The following EXOC4 variants were observed in gnomAD, a reference collection of about 807,000 sequenced individuals.
EXOC4 encodes the protein exocyst complex component 4, also known as SEC8-like 1.
In EXOC4, 71 loss-of-function variants were observed where a neutral mutation model predicts 107.2. That is an observed-to-expected ratio of 0.66 (90% CI 0.55 to 0.81). The LOEUF is 0.81. Among genes scored for constraint, EXOC4 ranks in the 30% least tolerant of loss-of-function variants. EXOC4 has a pLI of 0.00. For missense variants in EXOC4, 1,108 were observed against 1,189.6 expected (o/e 0.93, Z 1.01); for synonymous variants, 456 against 441.2 (o/e 1.03, Z -0.42).
intron 9 of EXOC4, among the ~76,000 whole-genome samples, chr7:133,626,662 G>A (rs1197323103): frequency 6.6e-6 from 1 of 152,154 alleles, no homozygotes; most frequent in Non-Finnish European, 1.5e-5. Context: ...GTAGCTAGCA[G>A]GGGTTTAGAA....
chr7:133,711,457 A>C (rs1243623275), intron 10 of EXOC4, among the ~76,000 whole-genome samples: 1 of 152,202 alleles, frequency 6.6e-6, no homozygotes, highest in Non-Finnish European at 1.5e-5. Flanking sequence ...TGAGTGTCTC[A>C]TAAAAGTACA....
chr7:133,457,011 C>A (rs143700661), intron 7 of EXOC4, among the ~76,000 whole-genome samples: 106 of 152,300 alleles, frequency 7.0e-4, no homozygotes, highest in Non-Finnish European at 1.2e-3. Flanking sequence ...CTATCTTAAT[C>A]ATCTTTTCGT....
chr7:133,669,984 T>C (rs1013617071), intron 10 of EXOC4, among the ~76,000 whole-genome samples: 1 of 152,226 alleles, frequency 6.6e-6, no homozygotes, highest in African/African-American at 2.4e-5. Context: ...CTTTTCAAAA[T>C]TGAAGTTTTT....
intron 10 of EXOC4, among the ~76,000 whole-genome samples, chr7:133,812,027 G>T (rs746373127): frequency 6.6e-6 from 1 of 152,096 alleles, no homozygotes; most frequent in Non-Finnish European, 1.5e-5. Flanking sequence ...GCCTGGCCAC[G>T]TGGGGTTTTT....
chr7:133,331,626 C>G (rs773917071), intron 5 of EXOC4, among the ~76,000 whole-genome samples: 1 of 151,898 alleles, frequency 6.6e-6, no homozygotes, highest in Non-Finnish European at 1.5e-5. Context: ...CCACCTCGCC[C>G]GGCTAATTTT....
At chr7:133,772,647 A>T (rs993764257) in intron 10 of EXOC4, among the ~76,000 whole-genome samples, 2 of 152,116 alleles carry the variant, frequency 1.3e-5, no homozygotes, top group Admixed American at 6.6e-5. Context: ...TTTCTTAAAA[A>T]CTAAGCCATG....
intron 10 of EXOC4, among the ~76,000 whole-genome samples, chr7:133,698,542 A>G (rs1233322893): frequency 6.7e-6 from 1 of 148,740 alleles, no homozygotes; most frequent in Non-Finnish European, 1.5e-5. Context: ...AAATCACGCC[A>G]CGGCACTCCA....
At chr7:133,546,910 C>T (rs529424979) in intron 9 of EXOC4, among the ~76,000 whole-genome samples, 1 of 152,182 alleles carries the variant, frequency 6.6e-6, no homozygotes, top group South Asian at 2.1e-4. Context: ...ATTTGATATG[C>T]ATTTTAGCTG....
intron 14 of EXOC4, among the ~76,000 whole-genome samples, chr7:133,943,189 C>G (rs1228894349): frequency 6.6e-6 from 1 of 152,104 alleles, no homozygotes; most frequent in African/African-American, 2.4e-5. Flanking sequence ...TCACTGAGGT[C>G]ATTGATAAAG....
intron 11 of EXOC4, among the ~76,000 whole-genome samples, chr7:133,873,360 T>C (rs535069097): frequency 6.6e-6 from 1 of 152,340 alleles, no homozygotes; most frequent in East Asian, 1.9e-4. Flanking sequence ...ATGTGTACTC[T>C]GTTAATGATA....
intron 10 of EXOC4, among the ~76,000 whole-genome samples, chr7:133,647,760 C>G (rs1473073078): frequency 6.6e-6 from 1 of 152,048 alleles, no homozygotes; most frequent in Non-Finnish European, 1.5e-5. Context: ...CTCTGATAAT[C>G]CACAGTCAAA....
chr7:133,255,862 C>T (rs1795004542), intron 1 of EXOC4, among the ~76,000 whole-genome samples: 1 of 152,098 alleles, frequency 6.6e-6, no homozygotes, highest in Non-Finnish European at 1.5e-5. Flanking sequence ...GTAAGAGAAC[C>T]AGGAATGTAT....
chr7:133,948,900 G>A (rs922304021), intron 14 of EXOC4, among the ~76,000 whole-genome samples: 3 of 152,166 alleles, frequency 2.0e-5, no homozygotes, highest in Non-Finnish European at 2.9e-5. Context: ...TACGAGTTAC[G>A]AGTGACAGAG....
At chr7:133,530,142 A>G (rs565021000) in intron 9 of EXOC4, among the ~76,000 whole-genome samples, 163 of 152,316 alleles carry the variant, frequency 1.1e-3, no homozygotes, top group Middle Eastern at 0.01. Context: ...ACTACGCTAC[A>G]CTGCCGAGGA....
At chr7:133,570,144 A>C (rs1280978353) in intron 9 of EXOC4, among the ~76,000 whole-genome samples, 1 of 152,200 alleles carries the variant, frequency 6.6e-6, no homozygotes, top group Admixed American at 6.5e-5. Flanking sequence ...TATATAATGT[A>C]TAATAGTTGG....
chr7:133,588,219 G>A (rs978706324), intron 9 of EXOC4, among the ~76,000 whole-genome samples: 1 of 152,148 alleles, frequency 6.6e-6, no homozygotes, highest in Non-Finnish European at 1.5e-5. Flanking sequence ...TGGGCCATGT[G>A]GCAGCATTTA....
intron 10 of EXOC4, among the ~76,000 whole-genome samples, chr7:133,734,888 G>GAGA (rs1795405110): frequency 6.6e-6 from 1 of 151,662 alleles, no homozygotes. Context: ...GATTTAACAA[G>GAGA]TCATGACTCA....
At chr7:133,603,255 A>G (rs1007341749) in intron 9 of EXOC4, among the ~76,000 whole-genome samples, 2 of 152,210 alleles carry the variant, frequency 1.3e-5, no homozygotes, top group African/African-American at 4.8e-5. Flanking sequence ...TCTAGGTGCC[A>G]TACTCAAAAT....
At chr7:133,957,018 G>A (rs1410601846) in intron 14 of EXOC4, among the ~76,000 whole-genome samples, 3 of 151,974 alleles carry the variant, frequency 2.0e-5, no homozygotes, top group Admixed American at 2.0e-4. Flanking sequence ...TATATAGAGA[G>A]GCTAAAATGT....
Sources: gnomAD v4.1 joint callset for allele counts (sites outside exome capture counted in the v4.1 genomes callset) on GRCh38, gnomAD v4.1.1 for gene constraint, MANE v1.5 for transcripts, NCBI Gene and HGNC (gene_info 2026-07-23, HGNC 2026-07-21) for gene names.